TCF4: variants seen among roughly 807,000 people sequenced by gnomAD.
The protein encoded by TCF4 is SL3-3 enhancer factor 2.
TCF4 carries 3 observed loss-of-function variants against 82.1 expected under a neutral mutation model. The ratio of observed to expected loss-of-function variants is 0.04; its 90% CI spans 0.02 to 0.09. The LOEUF is 0.09. Among genes scored for constraint, TCF4 ranks in the 10% least tolerant of loss-of-function variants. TCF4 has a pLI of 1.00. For synonymous variants in TCF4, 276 were observed against 309.6 expected, an observed-to-expected ratio of 0.89 and a Z score of 1.14; for missense variants, 518 against 852.7, an observed-to-expected ratio of 0.61 and a Z score of 4.89.
intron 3 of TCF4, among the ~76,000 whole-genome samples, chr18:55,566,145 G>A (rs139731416): frequency 5.9e-5 from 9 of 152,140 alleles, no homozygotes; most frequent in Admixed American, 3.3e-4. Context: ...CCAGGGAGGC[G>A]GAGCATGCAG....
At chr18:55,371,547 C>G (rs1412960473) in intron 6 of TCF4, among the ~76,000 whole-genome samples, 1 of 152,068 alleles carries the variant, frequency 6.6e-6, no homozygotes, top group East Asian at 1.9e-4. Context: ...TTTGTTTGTT[C>G]ATTCACTTAT....
chr18:55,563,956 T>C (rs1330530105), intron 3 of TCF4, among the ~76,000 whole-genome samples: 1 of 152,234 alleles, frequency 6.6e-6, no homozygotes, highest in Non-Finnish European at 1.5e-5. Context: ...CTCACAGAAC[T>C]ATCATTCCTA....
At chr18:55,474,654 A>C (rs2096252706) in intron 3 of TCF4, among the ~76,000 whole-genome samples, 1 of 152,226 alleles carries the variant, frequency 6.6e-6, no homozygotes, top group Admixed American at 6.5e-5. Context: ...CAGATATCCT[A>C]ACCCCACCTG....
intron 14 of TCF4, among the ~76,000 whole-genome samples, chr18:55,255,303 T>C (rs909485821): frequency 7.2e-5 from 11 of 152,234 alleles, no homozygotes; most frequent in African/African-American, 2.6e-4. Flanking sequence ...TCAAAATGGT[T>C]ACAGAAAAAA....
At chr18:55,335,094 G>A (rs1219141482) in intron 8 of TCF4, among the ~76,000 whole-genome samples, 2 of 152,196 alleles carry the variant, frequency 1.3e-5, no homozygotes, top group South Asian at 2.1e-4. Context: ...CAAGCAGGAA[G>A]TGTGCCGGCC....
chr18:55,363,292 T>C (rs1312274866), intron 6 of TCF4, among the ~76,000 whole-genome samples: 1 of 152,164 alleles, frequency 6.6e-6, no homozygotes, highest in African/African-American at 2.4e-5. Context: ...TGATAAATTA[T>C]TCAATAAATG....
intron 2 of TCF4, among the ~76,000 whole-genome samples, chr18:55,594,985 A>G (rs1233662352): frequency 6.6e-6 from 1 of 151,956 alleles, no homozygotes; most frequent in African/African-American, 2.4e-5. Context: ...CAGACAAAAT[A>G]CTCTCTAGCT....
chr18:55,433,449 C>A (rs1244285348), intron 5 of TCF4, among the ~76,000 whole-genome samples: 1 of 152,206 alleles, frequency 6.6e-6, no homozygotes, highest in Non-Finnish European at 1.5e-5. Flanking sequence ...CACTGTTGGA[C>A]AAAAGTGACT....
At chr18:55,444,654 GGT>G (rs2095495685) in intron 5 of TCF4, among the ~76,000 whole-genome samples, 2 of 152,134 alleles carry the variant, frequency 1.3e-5, no homozygotes, top group Non-Finnish European at 2.9e-5. Context: ...TTGCCTTGTT[GGT>G]GGTGGTTCAT....
At chr18:55,412,240 T>G (rs990972530) in intron 5 of TCF4, among the ~76,000 whole-genome samples, 3 of 152,102 alleles carry the variant, frequency 2.0e-5, no homozygotes, top group African/African-American at 7.2e-5. Flanking sequence ...AGACAAGGAC[T>G]TGTTGATCCC....
chr18:55,392,362 C>CA lies in TCF4; in HGVS notation c.369+11091dup, dbSNP rs2093190041. ...AGCCAGGCATGGTGGTGTGTACCTA[C>CA]AGTCCCAACTACTCAGAGGGCTGAG... is the stretch of plus-strand genomic sequence containing the variant. On this transcript the variant is annotated intron_variant, in intron 6 of 19. Transcript: ENST00000354452. 2.0e-5 allele frequency among the ~76,000 whole-genome samples: 3 copies of CA among 150,574 alleles called. No homozygotes were observed. The South Asian group carries it at 6.3e-4, about 32-fold the overall frequency.
At chr18:55,443,037 CAA>C (rs1019950923) in intron 5 of TCF4, among the ~76,000 whole-genome samples, 65 of 152,328 alleles carry the variant, frequency 4.3e-4, no homozygotes, top group African/African-American at 1.5e-3. Flanking sequence ...TCTGTAGCTG[CAA>C]AGTGTGCTGA....
At chr18:55,619,816 A>T (rs1048575668) in intron 2 of TCF4, among the ~76,000 whole-genome samples, 1 of 152,028 alleles carries the variant, frequency 6.6e-6, no homozygotes, top group African/African-American at 2.4e-5. Flanking sequence ...ATGTTTTTGT[A>T]TACCTATAGA....
intron 8 of TCF4, among the ~76,000 whole-genome samples, chr18:55,321,051 T>C (rs891807494): frequency 6.6e-6 from 1 of 152,232 alleles, no homozygotes; most frequent in Non-Finnish European, 1.5e-5. Context: ...TATGCATGAA[T>C]GAACCCGTTT....
At chr18:55,589,321 C>T, upstream of TCF4, 4 of 1,052,026 alleles carry the variant, frequency 3.8e-6, no homozygotes, top group Non-Finnish European at 4.6e-6. Context: ...AATATTCTCA[C>T]AATATTCCAA....
At chr18:55,437,397 G>A (rs1201225685) in intron 5 of TCF4, among the ~76,000 whole-genome samples, 6 of 152,046 alleles carry the variant, frequency 3.9e-5, no homozygotes, top group Non-Finnish European at 8.8e-5. Context: ...GATAATTTCA[G>A]CCCATTCTCT....
chr18:55,314,357 T>C (rs1274479493), intron 8 of TCF4, among the ~76,000 whole-genome samples: 2 of 152,112 alleles, frequency 1.3e-5, no homozygotes, highest in African/African-American at 2.4e-5. Flanking sequence ...AATAATGCCA[T>C]TAGGAATGTA....
At chr18:55,414,122 G>A (rs1333011749) in intron 5 of TCF4, among the ~76,000 whole-genome samples, 1 of 152,198 alleles carries the variant, frequency 6.6e-6, no homozygotes, top group Non-Finnish European at 1.5e-5. Flanking sequence ...GGAGAGACAT[G>A]TATGTGAGAT....
chr18:55,590,158 A>T (rs2097682217), upstream of TCF4, among the ~76,000 whole-genome samples: 1 of 152,232 alleles, frequency 6.6e-6, no homozygotes, highest in Admixed American at 6.5e-5. Context: ...GGGAAGTGAG[A>T]TACCCCCAGG....
Sources: gnomAD v4.1 joint callset for allele counts (sites outside exome capture counted in the v4.1 genomes callset) on GRCh38, gnomAD v4.1.1 for gene constraint, MANE v1.5 for transcripts, NCBI Gene and HGNC (gene_info 2026-07-23, HGNC 2026-07-21) for gene names.